The following PLA2G4A variants were observed in gnomAD, a reference collection of about 807,000 sequenced individuals.
The protein encoded by PLA2G4A is phospholipase A2 group IVA.
PLA2G4A carries 40 observed loss-of-function variants against 81.9 expected under a neutral mutation model. The ratio of observed to expected loss-of-function variants is 0.49; its 90% CI spans 0.38 to 0.64. PLA2G4A has a LOEUF of 0.64. PLA2G4A is among the 30% of genes least tolerant of loss of function. PLA2G4A has a pLI of 0.00. For missense variants in PLA2G4A, 715 were observed against 905.1 expected, an observed-to-expected ratio of 0.79 and a Z score of 2.69; for synonymous variants, 302 against 296.9, an observed-to-expected ratio of 1.02 and a Z score of -0.18.
chr1:186,973,416 A>G (rs1657429047), intron 15 of PLA2G4A, among the ~76,000 whole-genome samples: 1 of 152,218 alleles, frequency 6.6e-6, no homozygotes, highest in Non-Finnish European at 1.5e-5. Context: ...GTAATCCAAG[A>G]TGATCTAATC....
intron 1 of PLA2G4A, among the ~76,000 whole-genome samples, chr1:186,830,694 A>G (rs1651523389): frequency 1.3e-5 from 2 of 151,192 alleles, no homozygotes; most frequent in African/African-American, 4.9e-5. Context: ...AAGAAAAATT[A>G]TTAAATAGAT....
At chr1:186,911,221 C>T (rs372013810) in intron 6 of PLA2G4A, 27 bp from the exon 7 acceptor site, 2 of 1,609,938 alleles carry the variant, frequency 1.2e-6, no homozygotes, top group South Asian at 1.1e-5. Flanking sequence ...AGCACTGGCT[C>T]ATGACTTTAT....
intron 17 of PLA2G4A, among the ~76,000 whole-genome samples, chr1:186,988,095 A>G (rs1443180078): frequency 6.6e-6 from 1 of 152,208 alleles, no homozygotes; most frequent in Non-Finnish European, 1.5e-5. Context: ...TAATTTTACC[A>G]TGCTACCACT....
chr1:186,860,020 A>G (rs2102039025), intron 2 of PLA2G4A, among the ~76,000 whole-genome samples: 1 of 152,288 alleles, frequency 6.6e-6, no homozygotes, highest in African/African-American at 2.4e-5. Flanking sequence ...ACAAAAGCAC[A>G]GGACTGTAAA....
chr1:186,939,633 G>A (rs1037398005), intron 9 of PLA2G4A, among the ~76,000 whole-genome samples: 2 of 152,132 alleles, frequency 1.3e-5, no homozygotes, highest in Non-Finnish European at 2.9e-5. Context: ...GAACAGACTC[G>A]CTTGATGCAT....
intron 3 of PLA2G4A, among the ~76,000 whole-genome samples, chr1:186,874,211 T>C (rs1653387525): frequency 6.6e-6 from 1 of 152,088 alleles, no homozygotes; most frequent in Non-Finnish European, 1.5e-5. Context: ...ACAGAAGATA[T>C]GTTTGCAGAA....
intron 8 of PLA2G4A, among the ~76,000 whole-genome samples, chr1:186,933,904 T>C (rs1655839807): frequency 6.6e-6 from 1 of 152,174 alleles, no homozygotes; most frequent in Non-Finnish European, 1.5e-5. Context: ...GGGACATCTA[T>C]ATATTTTACA....
chr1:186,923,975 T>C (rs1655455281), intron 7 of PLA2G4A, among the ~76,000 whole-genome samples: 1 of 152,192 alleles, frequency 6.6e-6, no homozygotes, highest in African/African-American at 2.4e-5. Flanking sequence ...ATTGACATAC[T>C]CCATAACTGA....
chr1:186,863,706 T>C (rs1466502880), intron 2 of PLA2G4A, among the ~76,000 whole-genome samples: 1 of 152,074 alleles, frequency 6.6e-6, no homozygotes, highest in Non-Finnish European at 1.5e-5. Context: ...TCAACTTCTT[T>C]AGATTCCACA....
chr1:186,911,186 C>G (rs1251210800), intron 6 of PLA2G4A, 62 bp from the exon 7 acceptor site: 1 of 1,475,434 alleles, frequency 6.8e-7, no homozygotes, highest in Non-Finnish European at 9.5e-7. Context: ...GAAAAGCTAC[C>G]TGGATGGAAA....
chr1:186,838,245 G>C (rs1651859383), intron 1 of PLA2G4A, among the ~76,000 whole-genome samples: 1 of 152,146 alleles, frequency 6.6e-6, no homozygotes, highest in Admixed American at 6.5e-5. Context: ...TAAATGCTAA[G>C]AGCAAAGAAG....
intron 1 of PLA2G4A, among the ~76,000 whole-genome samples, chr1:186,837,815 C>T (rs1198284658): frequency 2.0e-5 from 3 of 149,714 alleles, no homozygotes; most frequent in African/African-American, 5.0e-5. Flanking sequence ...GAAAGAGAGA[C>T]GTGACCATCA....
chr1:186,977,136 C>T (rs12720683), intron 15 of PLA2G4A, among the ~76,000 whole-genome samples: 1,883 of 152,204 alleles, frequency 0.012, 46 homozygotes, highest in African/African-American at 0.042. Context: ...TTTTTGTATA[C>T]ATAAAATGAA....
chr1:186,836,538 AT>A lies in PLA2G4A; in HGVS notation c.-70+7509del, dbSNP rs565715102. Among the ~76,000 whole-genome samples the A allele has an allele frequency of 1.8e-3, 280 of 152,230 alleles. 2 individuals carry two copies. The highest frequency in any genetic ancestry group is 2.2e-3 in the Non-Finnish European group (149 of 68,010). ...AAAGTAGTAGGAGTAGGAAAATGCAATTTTTTAATACTTAGAAAAAGAACAG... is the reference window on the plus strand; with the variant it reads ...AAAGTAGTAGGAGTAGGAAAATGCAATTTTTAATACTTAGAAAAAGAACAG... On this transcript the variant is annotated intron_variant, in intron 1 of 17. Transcript: ENST00000367466.
chr1:186,876,834 A>G (rs1653518358), intron 3 of PLA2G4A, among the ~76,000 whole-genome samples: 1 of 152,088 alleles, frequency 6.6e-6, no homozygotes, highest in Admixed American at 6.6e-5. Flanking sequence ...ACCCAAATGC[A>G]TAACATTTTC....
At chr1:186,949,774 T>C (rs1051356997) in intron 12 of PLA2G4A, among the ~76,000 whole-genome samples, 1 of 151,818 alleles carries the variant, frequency 6.6e-6, no homozygotes, top group Non-Finnish European at 1.5e-5. Flanking sequence ...GTAATCCCAG[T>C]TCTTTGGGAG....
rs1184630259 is a variant in PLA2G4A at position 186,894,232 on chromosome 1, A to G, written c.378+21A>G. 4.7e-6 allele frequency: 4 copies of G among 848,714 alleles called. No homozygotes were observed. The Admixed American group carries it at 5.3e-5, about 11-fold the overall frequency. The allele number at this position is 848,714 out of a possible 1,614,324, so 52.6% of individuals were successfully genotyped here. On this transcript the variant is annotated intron_variant, in intron 5 of 17. Transcript: ENST00000367466. ...ACCAAGTAAGTAACACTGCAGAATTATATTCCAACCTTATGTTAGATAAAG... is the reference window on the plus strand; with the variant it reads ...ACCAAGTAAGTAACACTGCAGAATTGTATTCCAACCTTATGTTAGATAAAG...
At chr1:186,847,886 T>G (rs868165647) in intron 1 of PLA2G4A, among the ~76,000 whole-genome samples, 1 of 152,172 alleles carries the variant, frequency 6.6e-6, no homozygotes, top group South Asian at 2.1e-4. Flanking sequence ...CTTGTCATAC[T>G]TGGGAAATAT....
intron 3 of PLA2G4A, among the ~76,000 whole-genome samples, chr1:186,881,569 C>G (rs1435945488): frequency 6.6e-6 from 1 of 152,106 alleles, no homozygotes; most frequent in Non-Finnish European, 1.5e-5. Context: ...TACATGTAAA[C>G]AAGTCCTGTG....
Sources: allele counts gnomAD v4.1 joint callset (sites outside exome capture counted in the v4.1 genomes callset), GRCh38; gene constraint gnomAD v4.1.1; transcripts MANE v1.5; gene names NCBI Gene and HGNC (gene_info 2026-07-23, HGNC 2026-07-21).